Variants in RALGAPA1 observed in about 807,000 individuals in gnomAD.
RALGAPA1 encodes ral GTPase-activating protein subunit alpha-1.
In RALGAPA1, 52 loss-of-function variants were observed where a neutral mutation model predicts 269.6. That is an observed-to-expected ratio of 0.19 (90% CI 0.15 to 0.24). The LOEUF (loss-of-function observed/expected upper bound fraction) is 0.24. Among genes scored for constraint, RALGAPA1 ranks in the 10% least tolerant of loss-of-function variants. RALGAPA1 has a pLI of 1.00. For synonymous variants in RALGAPA1, 817 were observed against 1,008.3 expected (o/e 0.81, Z 3.60); for missense variants, 1,917 against 3,013.9 (o/e 0.64, Z 8.52).
chr14:35,637,098 G>C (rs1425850596), intron 31 of RALGAPA1, among the ~76,000 whole-genome samples: 1 of 152,158 alleles, frequency 6.6e-6, no homozygotes, highest in Non-Finnish European at 1.5e-5. Flanking sequence ...TGCTTAGGGG[G>C]AGAAGACAAA....
intron 37 of RALGAPA1, among the ~76,000 whole-genome samples, chr14:35,585,657 G>C (rs2058230487): frequency 6.6e-6 from 1 of 152,148 alleles, no homozygotes; most frequent in Non-Finnish European, 1.5e-5. Flanking sequence ...TCCAGTTTCA[G>C]CTTTCTACAT....
Position 35,570,684 on chromosome 14 carries a change from T to C in RALGAPA1, c.7429A>G (p.Met2477Val). ...GCATTTATAGCTGTTGCTCTAACCA[T>C]AATGGGTAGAACCTTTCCATTCACA... ...AIVNGKVLPIMVRATAINASR... is the reference protein window; with the variant it reads ...AIVNGKVLPIVVRATAINASR... Residue 2477 changes from methionine (M) to valine (V), a missense_variant, in exon 39 of 42, where the codon ATG (methionine) becomes GTG (valine). Met to Val is a conservative substitution (Grantham distance 21). This residue lies in a region of RALGAPA1 where 91 missense variants were observed against 130.9 expected (regional missense o/e 0.70). Coordinates refer to ENST00000680220, the MANE Select transcript of RALGAPA1 (RefSeq NM_001346249.2). 1 of 1,611,780 alleles carries C rather than the reference T, an allele frequency of 6.2e-7. No individual in the cohort carries two copies. Among genetic ancestry groups the C allele is most frequent in the Non-Finnish European group, 8.5e-7 (1 of 1,179,094 alleles).
chr14:35,808,631 C>G, intron 1 of RALGAPA1, 99 bp downstream of exon 1: 3 of 1,344,516 alleles, frequency 2.2e-6, no homozygotes, highest in Non-Finnish European at 3.1e-6. Flanking sequence ...TTGCCCTCTC[C>G]TGCACCGCGC....
rs538639185 is a variant in RALGAPA1, at chr14:35,645,422, A to G, written c.5676+6383T>C. ...TATGTATTTCCTAGCTGTATCTGCC[A>G]AAGAGGACTTAAGAAACGATACCCC... On this transcript the variant is annotated intron_variant, in intron 31 of 41. Coordinates refer to ENST00000680220, the MANE Select transcript of RALGAPA1 (RefSeq NM_001346249.2). 3.4e-5 allele frequency among the ~76,000 whole-genome samples: 5 copies of G among 146,596 alleles called. No individual in the cohort carries two copies. The East Asian group carries it at 1.0e-3, about 30-fold the overall frequency.
intron 35 of RALGAPA1, among the ~76,000 whole-genome samples, chr14:35,619,918 T>G (rs1324497030): frequency 6.6e-6 from 1 of 152,148 alleles, no homozygotes; most frequent in Non-Finnish European, 1.5e-5. Flanking sequence ...ACCAGACGGA[T>G]TCACAGCCAA....
intron 28 of RALGAPA1, 76 bp downstream of exon 28, chr14:35,659,062 T>C: frequency 1.0e-6 from 1 of 995,322 alleles, no homozygotes; most frequent in Non-Finnish European, 1.5e-6. Context: ...CAATCTGGGC[T>C]GCTATAAAAA....
intron 35 of RALGAPA1, among the ~76,000 whole-genome samples, chr14:35,624,208 T>TAA (rs780017500): frequency 1.3e-4 from 11 of 87,110 alleles, no homozygotes; most frequent in East Asian, 3.1e-4. Flanking sequence ...TCCAGTTCCG[T>TAA]AAAAAAAAAA....
chr14:35,608,676 G>A (rs1046831068), intron 35 of RALGAPA1, among the ~76,000 whole-genome samples: 1 of 152,122 alleles, frequency 6.6e-6, no homozygotes, highest in African/African-American at 2.4e-5. Context: ...CCCAAAAACA[G>A]AGCCCCAAAA....
intron 3 of RALGAPA1, among the ~76,000 whole-genome samples, chr14:35,773,698 C>A (rs947557166): frequency 1.3e-5 from 2 of 151,952 alleles, no homozygotes; most frequent in Non-Finnish European, 2.9e-5. Flanking sequence ...ACAGTTCATG[C>A]AAACACTTCA....
rs117794558 is a variant in RALGAPA1, at chr14:35,643,524, T to C, written c.5677-7926A>G. Among the ~76,000 whole-genome samples the C allele has an allele frequency of 9.9e-3, 1,503 of 152,270 alleles. 13 individuals are homozygous for C. The highest frequency in any genetic ancestry group is 0.017 in the Middle Eastern group (5 of 294). ...TAACTACTATATGATCCAGTAATCC[T>C]ACTGCTAGGTATATACCCAAATGAA... On this transcript the variant is annotated intron_variant, in intron 31 of 41. Transcript: ENST00000680220.
chr14:35,548,668 C>T, intron 40 of RALGAPA1, 130 bp from the exon 41 acceptor site: 1 of 569,310 alleles, frequency 1.8e-6, no homozygotes, highest in East Asian at 3.0e-5. Flanking sequence ...CTCTTACACT[C>T]TTTAATTATT....
chr14:35,765,759 G>T, intron 4 of RALGAPA1: 1 of 401,178 alleles, frequency 2.5e-6, no homozygotes, highest in South Asian at 2.5e-5. Context: ...GCCTCTCAAA[G>T]GGCTGGGATT....
intron 12 of RALGAPA1, among the ~76,000 whole-genome samples, chr14:35,732,221 G>T (rs1595358749): frequency 1.3e-5 from 2 of 152,002 alleles, no homozygotes; most frequent in South Asian, 4.2e-4. Flanking sequence ...ACCACTAAAA[G>T]AACTGCTAAA....
chr14:35,674,324 C>A, intron 23 of RALGAPA1, 46 bp from the exon 24 acceptor site: 2 of 1,467,084 alleles, frequency 1.4e-6, no homozygotes, highest in Non-Finnish European at 1.9e-6. Context: ...AAACTGTTAT[C>A]TCTTCCAGTT....
At chr14:35,803,607 A>G (rs897325148) in intron 1 of RALGAPA1, among the ~76,000 whole-genome samples, 6 of 152,016 alleles carry the variant, frequency 3.9e-5, no homozygotes, top group Admixed American at 6.6e-5. Flanking sequence ...TGTCTCATAC[A>G]GTATCTGTAT....
intron 37 of RALGAPA1, among the ~76,000 whole-genome samples, chr14:35,590,545 T>C (rs1328406123): frequency 1.3e-5 from 2 of 152,228 alleles, no homozygotes; most frequent in Non-Finnish European, 2.9e-5. Flanking sequence ...CAGTTACTCC[T>C]TCACATGCTC....
At chr14:35,677,320 T>C (rs1384415914) in intron 22 of RALGAPA1, 1 of 152,496 alleles carries the variant, frequency 6.6e-6, no homozygotes, top group Non-Finnish European at 1.5e-5. Context: ...ACTGTGTCTT[T>C]GACCAATTTA....
chr14:35,745,147 C>G (rs1408780959), intron 10 of RALGAPA1, among the ~76,000 whole-genome samples: 1 of 151,972 alleles, frequency 6.6e-6, no homozygotes, highest in Non-Finnish European at 1.5e-5. Context: ...ATGTATAAAA[C>G]CAGAGTGATA....
intron 10 of RALGAPA1, among the ~76,000 whole-genome samples, chr14:35,743,503 C>T (rs1179909199): frequency 2.6e-5 from 4 of 152,038 alleles, no homozygotes; most frequent in Non-Finnish European, 5.9e-5. Flanking sequence ...TTGTAACTCA[C>T]ATTATTGTGG....
Sources: allele counts gnomAD v4.1 joint callset (sites outside exome capture counted in the v4.1 genomes callset), GRCh38; gene constraint gnomAD v4.1.1; regional missense constraint gnomAD v4.1.1; transcripts MANE v1.5; gene names NCBI Gene and HGNC (gene_info 2026-07-23, HGNC 2026-07-21).